Variants in COLEC10 observed in about 807,000 individuals in gnomAD.
COLEC10 encodes the protein collectin subfamily member 10, also known as collectin-10.
A neutral mutation model predicts 28.4 loss-of-function variants in COLEC10; 22 were observed. The ratio of observed to expected loss-of-function variants is 0.78; its 90% CI spans 0.55 to 1.11. The LOEUF is 1.11. COLEC10 is among the 50% of genes least tolerant of loss of function. COLEC10 has a pLI of 0.00. For synonymous variants in COLEC10, 125 were observed against 116.1 expected, an observed-to-expected ratio of 1.08 and a Z score of -0.49; for missense variants, 361 against 344.1, an observed-to-expected ratio of 1.05 and a Z score of -0.39.
chr8:119,022,963 C>A (rs1663381395), intron 2 of COLEC10, among the ~76,000 whole-genome samples: 1 of 152,120 alleles, frequency 6.6e-6, no homozygotes, highest in African/African-American at 2.4e-5. Context: ...TCTTACTCAA[C>A]AAACACCTCC....
chr8:119,093,792 AT>A (rs1408289878), intron 3 of COLEC10, among the ~76,000 whole-genome samples: 1 of 152,118 alleles, frequency 6.6e-6, no homozygotes, highest in East Asian at 1.9e-4. Context: ...TGCTTTATAT[AT>A]TTTTAAAAGA....
rs75134932 is a variant in COLEC10, at chr8:119,045,410, C to T, written n.235+35857C>T. ...CTTTCTCCCCAACTGGTTCAGCCCA[C>T]AGCACAGCAGCTCATACTGACAATA... is the stretch of plus-strand genomic sequence containing the variant. On this transcript the variant is annotated intron_variant and non_coding_transcript_variant, in intron 2 of 6. Transcript: ENST00000521788. Among the ~76,000 whole-genome samples the T allele has an allele frequency of 3.6e-3, 545 of 152,334 alleles. 3 individuals are homozygous for T. The highest frequency in any genetic ancestry group is 0.013 in the African/African-American group (529 of 41,574).
In COLEC10 at chr8:119,102,341, T is replaced by C. The variant is rs1815850929; in HGVS notation, c.293-7T>C. The stretch of plus-strand genomic sequence containing the variant: ...ATTTTATTTTGGTTGCTATTGTTTT[T>C]TTTCAGGTGACAAAGGGGAAAAAGG... On this transcript the variant is annotated splice_region_variant and splice_polypyrimidine_tract_variant and intron_variant, in intron 3 of 5. Coordinates refer to ENST00000332843, the MANE Select transcript of COLEC10 (RefSeq NM_006438.5). The C allele has an allele frequency of 6.3e-7, 1 of 1,585,364 alleles. No individual in the cohort carries two copies. Among genetic ancestry groups the C allele is most frequent in the East Asian group, 2.2e-5 (1 of 44,524 alleles).
At chr8:118,952,808 C>T in the COLEC10 span, among the ~76,000 whole-genome samples, 1 of 152,186 alleles carries the variant, frequency 6.6e-6, no homozygotes. Flanking sequence ...GCACTTTGCT[C>T]TAGGGTTCGC....
At chr8:118,953,987 C>T in the COLEC10 span, among the ~76,000 whole-genome samples, 6 of 152,066 alleles carry the variant, frequency 3.9e-5, no homozygotes, top group South Asian at 6.2e-4. Flanking sequence ...AAATAGTGTC[C>T]GGCACATAGT....
intron 1 of COLEC10, among the ~76,000 whole-genome samples, chr8:118,997,384 GACCAATGTTTTGAAGCTTT>G (rs1813607178): frequency 1.3e-5 from 2 of 152,078 alleles, no homozygotes; most frequent in African/African-American, 4.8e-5. Flanking sequence ...TCATTTTCAA[GACCAATGTTTTGAAGCTTT>G]TCCCCTGTGT....
intron 1 of COLEC10, among the ~76,000 whole-genome samples, chr8:119,080,047 G>C (rs533380578): frequency 6.6e-6 from 1 of 151,902 alleles, no homozygotes; most frequent in Non-Finnish European, 1.5e-5. Context: ...TTTCTCCTTC[G>C]ATATTTTATC....
chr8:119,016,989 C>T (rs898634023), intron 2 of COLEC10, among the ~76,000 whole-genome samples: 5 of 16,278 alleles, frequency 3.1e-4, no homozygotes, highest in Admixed American at 1.1e-3. Context: ...GCTGGGATAA[C>T]AGGGGTGAGC....
chr8:118,955,902 C>A, the COLEC10 span, among the ~76,000 whole-genome samples: 1 of 152,224 alleles, frequency 6.6e-6, no homozygotes, highest in Non-Finnish European at 1.5e-5. Flanking sequence ...AAGAACCATA[C>A]AAAGCACTAG....
At chr8:119,005,089 C>A (rs543801923) in intron 1 of COLEC10, among the ~76,000 whole-genome samples, 5 of 152,122 alleles carry the variant, frequency 3.3e-5, no homozygotes, top group African/African-American at 4.8e-5. Context: ...ATAAAAAGAT[C>A]CTTGGGTTCA....
intron 1 of COLEC10, among the ~76,000 whole-genome samples, chr8:119,084,689 T>C (rs1432847290): frequency 6.6e-6 from 1 of 152,224 alleles, no homozygotes; most frequent in African/African-American, 2.4e-5. Context: ...AGGAGTTTGT[T>C]CTTACCCTTT....
intron 1 of COLEC10, among the ~76,000 whole-genome samples, chr8:119,069,433 A>T (rs1225795402): frequency 6.6e-6 from 1 of 150,878 alleles, no homozygotes; most frequent in Non-Finnish European, 1.5e-5. Flanking sequence ...CATCTCTACA[A>T]AAAATTAAAA....
At chr8:119,065,824 C>CTCCA (rs145449705), upstream of COLEC10, among the ~76,000 whole-genome samples, 14,565 of 150,252 alleles carry the variant, frequency 0.097, 990 homozygotes, top group East Asian at 0.24. Flanking sequence ...TGCGACTGTA[C>CTCCA]TCCAGCCTGG....
chr8:118,979,249 C>A, the COLEC10 span, among the ~76,000 whole-genome samples: 3 of 151,934 alleles, frequency 2.0e-5, no homozygotes, highest in Non-Finnish European at 4.4e-5. Context: ...AGCTCCACCA[C>A]TTAGAACTGT....
At chr8:119,062,800 T>G (rs1208157299), upstream of COLEC10, 1 of 152,182 alleles carries the variant, frequency 6.6e-6, no homozygotes, top group African/African-American at 2.4e-5. Flanking sequence ...AAATGCGGTT[T>G]TAAAATATGA....
the COLEC10 span, among the ~76,000 whole-genome samples, chr8:118,957,244 T>G: frequency 6.6e-6 from 1 of 152,218 alleles, no homozygotes; most frequent in African/African-American, 2.4e-5. Context: ...TTCTGAAGCT[T>G]ACAGTCAAGC....
At chr8:118,977,509 C>A in the COLEC10 span, among the ~76,000 whole-genome samples, 2 of 143,074 alleles carry the variant, frequency 1.4e-5, no homozygotes, top group Non-Finnish European at 3.0e-5. Flanking sequence ...AACAAAAAAC[C>A]AAACACCGCA....
the COLEC10 span, among the ~76,000 whole-genome samples, chr8:118,983,151 G>T: frequency 6.6e-6 from 1 of 152,158 alleles, no homozygotes; most frequent in East Asian, 1.9e-4. Flanking sequence ...CAGAATTAGA[G>T]TGAGATCCTT....
At chr8:119,001,084 G>C (rs1318190640) in intron 1 of COLEC10, among the ~76,000 whole-genome samples, 1 of 152,178 alleles carries the variant, frequency 6.6e-6, no homozygotes, top group East Asian at 1.9e-4. Flanking sequence ...CAGGGGTGCA[G>C]TTGGCCTTTG....
Sources: allele counts gnomAD v4.1 joint callset (sites outside exome capture counted in the v4.1 genomes callset), GRCh38; gene constraint gnomAD v4.1.1; transcripts MANE v1.5; gene names NCBI Gene and HGNC (gene_info 2026-07-23, HGNC 2026-07-21).